The following STYXL1 variants were observed in gnomAD, a reference collection of about 807,000 sequenced individuals.
STYXL1 encodes the protein serine/threonine/tyrosine interacting like 1.
Under a neutral mutation model 36.4 loss-of-function variants are expected in STYXL1, and 32 were observed. The ratio of observed to expected loss-of-function variants is 0.88; its 90% CI spans 0.66 to 1.18. STYXL1 has a LOEUF of 1.18. Among genes scored for constraint, STYXL1 ranks in the 50% most tolerant of loss-of-function variants. The pLI is 0.00. For missense variants in STYXL1, 354 were observed against 394.1 expected (o/e 0.90, Z 0.86); for synonymous variants, 133 against 144.1 (o/e 0.92, Z 0.55).
At chr7:76,020,865 A>G (rs1793971045) in intron 4 of STYXL1, among the ~76,000 whole-genome samples, 1 of 152,082 alleles carries the variant, frequency 6.6e-6, no homozygotes, top group African/African-American at 2.4e-5. Context: ...TGCAGATCCA[A>G]GTAAAGCCCT....
chr7:76,016,438 TACGC>T (rs1554573997), intron 4 of STYXL1, among the ~76,000 whole-genome samples: 1 of 150,612 alleles, frequency 6.6e-6, no homozygotes, highest in Non-Finnish European at 1.5e-5. Context: ...TATACATATA[TACGC>T]ATATATACAC....
At chr7:76,038,738 G>C (rs1352371928) in intron 1 of STYXL1, among the ~76,000 whole-genome samples, 1 of 139,692 alleles carries the variant, frequency 7.2e-6, no homozygotes, top group African/African-American at 3.3e-5. Flanking sequence ...TCTTGAGAAT[G>C]GCCTCAAGGC....
chr7:76,005,853 G>C (rs1167567634), intron 5 of STYXL1, among the ~76,000 whole-genome samples: 1 of 24,694 alleles, frequency 4.0e-5, no homozygotes, highest in African/African-American at 1.3e-4. Context: ...GAAGAGAGAG[G>C]AGGAGAGAGG....
In STYXL1 at chr7:76,002,173, C is replaced by T. The variant is rs116300068; in HGVS notation, c.698-1171G>A. ...CTGGAGGGTAAGTTACTTGAGGCCACGGTGTCCTCATCTGGAAAACGGGAT... is the reference window on the plus strand; with the variant it reads ...CTGGAGGGTAAGTTACTTGAGGCCATGGTGTCCTCATCTGGAAAACGGGAT... On this transcript the variant is annotated intron_variant, in intron 7 of 8. Coordinates refer to ENST00000359697, the MANE Select transcript of STYXL1 (RefSeq NM_001317785.2). 8.1e-3 allele frequency among the ~76,000 whole-genome samples: 1,229 copies of T among 152,272 alleles called. 14 individuals are homozygous for T. Among genetic ancestry groups the T allele is most frequent in the African/African-American group, 0.028 (1,156 of 41,544 alleles).
At chr7:76,022,946 AAAAAC>A (rs1398096061) in intron 3 of STYXL1, among the ~76,000 whole-genome samples, 2 of 152,118 alleles carry the variant, frequency 1.3e-5, no homozygotes, top group African/African-American at 4.8e-5. Flanking sequence ...AAAATAAAAC[AAAAAC>A]AAAACAAAAC....
Position 75,996,572 on chromosome 7 carries a change from T to C in STYXL1, c.838A>G (p.Lys280Glu), listed in dbSNP as rs1367798816. Residue 280 changes from lysine (K) to glutamate (E), a missense_variant, in exon 9 of 9, where the codon AAA (lysine) becomes GAA (glutamate). Coordinates refer to ENST00000359697, the MANE Select transcript of STYXL1 (RefSeq NM_001317785.2). The stretch of plus-strand genomic sequence containing the variant: ...CCCCGATTTGGACACATGTTGTTTT[T>C]GCACTTCTTGACATAGGCCCAGGAC... ...QRSWAYVKKC[K>E]NNMCPNRGLV... 6.2e-7 allele frequency: 1 copy of C among 1,614,236 alleles called. No individual in the cohort carries two copies. The highest frequency in any genetic ancestry group is 8.5e-7 in the Non-Finnish European group (1 of 1,180,044).
intron 4 of STYXL1, among the ~76,000 whole-genome samples, chr7:76,014,998 G>A (rs1360582789): frequency 6.6e-6 from 1 of 152,170 alleles, no homozygotes; most frequent in Admixed American, 6.5e-5. Context: ...TATAATCCCA[G>A]AACCTTGGGA....
rs531026361 is a variant in STYXL1 at position 76,016,625 on chromosome 7, C to T, written c.308-2738G>A. On this transcript the variant is annotated intron_variant, in intron 4 of 8. Transcript: ENST00000359697. ...AAAAGACATACAAGCAGCCAACGAA[C>T]GTGAAAAAATGCTTGACATCACTAA... Among the ~76,000 whole-genome samples the T allele has an allele frequency of 9.9e-5, 15 of 152,018 alleles. No homozygotes were observed. In the South Asian group the frequency reaches 2.5e-3, roughly 25 times the overall value.
intron 5 of STYXL1, among the ~76,000 whole-genome samples, chr7:76,008,420 C>T (rs1792094608): frequency 6.6e-6 from 1 of 152,088 alleles, no homozygotes; most frequent in African/African-American, 2.4e-5. Flanking sequence ...TTAAGGACCT[C>T]AGGCGTGTGG....
chr7:76,028,009 G>A (rs1794907332), intron 3 of STYXL1, among the ~76,000 whole-genome samples: 1 of 152,022 alleles, frequency 6.6e-6, no homozygotes, highest in Admixed American at 6.6e-5. Flanking sequence ...TGGAGGCTGA[G>A]CGGCGTAGGA....
chr7:76,001,407 G>A (rs1484289447), intron 7 of STYXL1, among the ~76,000 whole-genome samples: 2 of 152,120 alleles, frequency 1.3e-5, no homozygotes, highest in East Asian at 3.9e-4. Context: ...CTGGCCGTGG[G>A]GCTTGGGCAA....
chr7:76,013,649 A>C (rs1792884399), intron 5 of STYXL1, 93 bp downstream of exon 5: 1 of 1,563,104 alleles, frequency 6.4e-7, no homozygotes, highest in South Asian at 1.1e-5. Flanking sequence ...CCTCTGTCCC[A>C]TCCTCCTGTT....
intron 4 of STYXL1, among the ~76,000 whole-genome samples, chr7:76,016,393 GTGTATA>G (rs1338938273): frequency 6.8e-6 from 1 of 147,490 alleles, no homozygotes; most frequent in Non-Finnish European, 1.5e-5. Context: ...ATACGTATGT[GTGTATA>G]TATACGTATA....
chr7:76,035,829 C>T, intron 1 of STYXL1, among the ~76,000 whole-genome samples: 1 of 150,000 alleles, frequency 6.7e-6, no homozygotes, highest in Non-Finnish European at 1.5e-5. Context: ...AGAATCATCT[C>T]TGGTCCTATA....
At chr7:76,022,931 A>T (rs1794255184) in intron 3 of STYXL1, among the ~76,000 whole-genome samples, 1 of 152,122 alleles carries the variant, frequency 6.6e-6, no homozygotes, top group South Asian at 2.1e-4. Context: ...TGTCCCAAAA[A>T]AACAAAAATA....
rs988583217 is a variant in STYXL1, at chr7:75,999,838, G to A, written c.810+1052C>T. On this transcript the variant is annotated intron_variant, in intron 8 of 8. Transcript: ENST00000359697. ...TGGGATTACAGGCGTGAGCCACCGC[G>A]CCCGGCCTGTTATGTATATTTTAAC... Among the ~76,000 whole-genome samples the A allele has an allele frequency of 1.1e-4, 17 of 152,178 alleles. No homozygotes were observed. The East Asian group carries it at 2.5e-3, about 22-fold the overall frequency.
At chr7:76,000,155 A>G (rs1420381798) in intron 8 of STYXL1, among the ~76,000 whole-genome samples, 2 of 149,316 alleles carry the variant, frequency 1.3e-5, no homozygotes, top group African/African-American at 5.0e-5. Context: ...GAATCGCTTG[A>G]ACCCAGGAGG....
chr7:76,041,762 G>A (rs1056048584), intron 1 of STYXL1, among the ~76,000 whole-genome samples: 7 of 152,190 alleles, frequency 4.6e-5, no homozygotes, highest in African/African-American at 1.7e-4. Context: ...GACTAAGACA[G>A]GCTGTCAATG....
In STYXL1 at chr7:76,029,550, G is replaced by A. The variant is rs182572489; in HGVS notation, c.104-847C>T. Among the ~76,000 whole-genome samples the A allele has an allele frequency of 1.1e-3, 164 of 152,264 alleles. 2 individuals carry two copies. Among genetic ancestry groups the A allele is most frequent in the Admixed American group, 2.9e-3 (44 of 15,268 alleles). On this transcript the variant is annotated intron_variant, in intron 2 of 8. Coordinates refer to ENST00000359697, the MANE Select transcript of STYXL1 (RefSeq NM_001317785.2). ...GGAACAGGGCAGTGGGCTGGGGGGCGGGGATGGTTTGGGGATGACTCAAGC... is the reference window on the plus strand; with the variant it reads ...GGAACAGGGCAGTGGGCTGGGGGGCAGGGATGGTTTGGGGATGACTCAAGC...
Sources: allele counts gnomAD v4.1 joint callset (sites outside exome capture counted in the v4.1 genomes callset), GRCh38; gene constraint gnomAD v4.1.1; transcripts MANE v1.5; gene names NCBI Gene and HGNC (gene_info 2026-07-23, HGNC 2026-07-21).